ABCC4: variants seen among roughly 807,000 people sequenced by gnomAD.
ABCC4 encodes ATP binding cassette subfamily C member 4 (PEL blood group), also known as ATP-binding cassette sub-family C member 4.
Under a neutral mutation model 168.5 loss-of-function variants are expected in ABCC4, and 102 were observed. The observed-to-expected ratio is 0.61, with a 90% CI of 0.52 to 0.71. The LOEUF is 0.71. Among genes scored for constraint, ABCC4 ranks in the 30% least tolerant of loss-of-function variants. The pLI, the probability that ABCC4 is intolerant of heterozygous loss-of-function variation, is 0.00. For missense variants in ABCC4, 1,402 were observed against 1,605.8 expected (o/e 0.87, Z 2.17); for synonymous variants, 617 against 590.7 (o/e 1.04, Z -0.65).
Position 95,273,665 on chromosome 13 carries a change from C to A in ABCC4, c.75-25912G>T, listed in dbSNP as rs563665208. ...CTACTGATATGGCTCTGTGTCCCCACCCAAATCTCATCTTGTAGCTCCCAC... is the reference window on the plus strand; with the variant it reads ...CTACTGATATGGCTCTGTGTCCCCAACCAAATCTCATCTTGTAGCTCCCAC... On this transcript the variant is annotated intron_variant, in intron 1 of 30. Coordinates refer to ENST00000645237, the MANE Select transcript of ABCC4 (RefSeq NM_005845.5). Among the ~76,000 whole-genome samples the A allele has an allele frequency of 5.9e-5, 9 of 152,172 alleles. No homozygotes were observed. In the South Asian group the frequency reaches 1.9e-3, roughly 32 times the overall value.
intron 11 of ABCC4, among the ~76,000 whole-genome samples, chr13:95,185,453 T>A (rs1302607903): frequency 2.0e-5 from 3 of 152,222 alleles, no homozygotes; most frequent in African/African-American, 4.8e-5. Flanking sequence ...GATTTCTCTA[T>A]CCAAATCGCC....
At chr13:95,273,060 G>T (rs17268282) in intron 1 of ABCC4, among the ~76,000 whole-genome samples, 8,270 of 152,144 alleles carry the variant, frequency 0.054, 271 homozygotes, top group Non-Finnish European at 0.067. Flanking sequence ...TGGAAAACAG[G>T]TTGGGCTCAT....
intron 19 of ABCC4, among the ~76,000 whole-genome samples, chr13:95,138,367 G>C (rs563205661): frequency 6.6e-6 from 1 of 152,184 alleles, no homozygotes; most frequent in Admixed American, 6.5e-5. Flanking sequence ...GAGGTGCTTG[G>C]AACAGGAACA....
At chr13:95,024,689 T>A (rs1030253060) in intron 30 of ABCC4, among the ~76,000 whole-genome samples, 7 of 152,184 alleles carry the variant, frequency 4.6e-5, no homozygotes, top group African/African-American at 1.7e-4. Flanking sequence ...CTCAAGTTCA[T>A]CATTTTTAAA....
intron 19 of ABCC4, among the ~76,000 whole-genome samples, chr13:95,145,512 T>C (rs977282991): frequency 2.0e-5 from 3 of 148,638 alleles, no homozygotes; most frequent in Admixed American, 1.3e-4. Flanking sequence ...TAGTCCCAGA[T>C]ACTTGGAAAG....
intron 11 of ABCC4, among the ~76,000 whole-genome samples, chr13:95,182,376 A>G (rs1443249633): frequency 6.6e-6 from 1 of 152,230 alleles, no homozygotes; most frequent in Non-Finnish European, 1.5e-5. Flanking sequence ...AAAGTGCTCA[A>G]GGATTAAAAG....
intron 1 of ABCC4, among the ~76,000 whole-genome samples, chr13:95,294,977 AAAAAT>A (rs948731378): frequency 1.7e-4 from 26 of 152,120 alleles, no homozygotes; most frequent in African/African-American, 6.0e-4. Flanking sequence ...ATTAAAAACA[AAAAAT>A]AAAATAAAAA....
chr13:95,262,772 AC>A (rs2040565975), intron 1 of ABCC4, among the ~76,000 whole-genome samples: 1 of 151,846 alleles, frequency 6.6e-6, no homozygotes, highest in Non-Finnish European at 1.5e-5. Context: ...AGCTGGGATT[AC>A]AGGCACACGC....
intron 26 of ABCC4, among the ~76,000 whole-genome samples, chr13:95,057,249 T>C (rs546945172): frequency 6.6e-6 from 1 of 151,892 alleles, no homozygotes; most frequent in Admixed American, 6.5e-5. Flanking sequence ...ATTCAGTATT[T>C]TTTTTTTTTG....
At chr13:95,072,230 G>C (rs1005157316) in intron 24 of ABCC4, among the ~76,000 whole-genome samples, 55 of 152,322 alleles carry the variant, frequency 3.6e-4, no homozygotes, top group African/African-American at 1.2e-3. Flanking sequence ...GGAGGCCGGG[G>C]CAGGTGGATC....
intron 21 of ABCC4, among the ~76,000 whole-genome samples, chr13:95,075,869 A>G (rs2033882577): frequency 6.6e-6 from 1 of 152,096 alleles, no homozygotes. Flanking sequence ...TTCTTCCCTG[A>G]CATCTCTTTG....
intron 6 of ABCC4, among the ~76,000 whole-genome samples, chr13:95,208,348 AAAAG>A (rs1451876286): frequency 1.6e-5 from 2 of 125,092 alleles, no homozygotes; most frequent in Non-Finnish European, 3.5e-5. Context: ...AAAAAAAAAA[AAAAG>A]CTTCAGAGGA....
intron 26 of ABCC4, among the ~76,000 whole-genome samples, chr13:95,059,271 T>A (rs1008791912): frequency 6.6e-6 from 1 of 152,200 alleles, no homozygotes; most frequent in Non-Finnish European, 1.5e-5. Flanking sequence ...GTGCCTCAGT[T>A]TGAAAATGTG....
chr13:95,135,384 C>A (rs918054303), intron 19 of ABCC4, among the ~76,000 whole-genome samples: 2 of 150,580 alleles, frequency 1.3e-5, no homozygotes, highest in Non-Finnish European at 2.9e-5. Context: ...CTACATTTCA[C>A]GATCAGGTAA....
intron 20 of ABCC4, among the ~76,000 whole-genome samples, chr13:95,103,243 C>A (rs987986937): frequency 5.9e-5 from 9 of 151,944 alleles, no homozygotes; most frequent in African/African-American, 1.9e-4. Context: ...CCAGCCTGGG[C>A]GACAGAGCGA....
intron 20 of ABCC4, among the ~76,000 whole-genome samples, chr13:95,095,131 A>G (rs2034549532): frequency 6.6e-6 from 1 of 152,216 alleles, no homozygotes; most frequent in African/African-American, 2.4e-5. Context: ...TGATCCAGCA[A>G]TCCCACTACT....
intron 20 of ABCC4, among the ~76,000 whole-genome samples, chr13:95,108,948 G>A (rs2035105354): frequency 6.6e-6 from 1 of 152,040 alleles, no homozygotes; most frequent in South Asian, 2.1e-4. Context: ...CCTCCTCCTT[G>A]ACTATGCTGG....
rs769656467 is a variant in ABCC4 at position 95,075,493 on chromosome 13, C to G, written c.2745G>C (p.Arg915=). 3.1e-6 allele frequency: 5 copies of G among 1,614,056 alleles called. No homozygotes were observed. In the East Asian group the frequency reaches 1.1e-4, roughly 36 times the overall value. The change falls in exon 22 of 31, where the codon CGG becomes CGC. Residue 915 remains arginine (R), a synonymous_variant. Transcript: ENST00000645237. ...GACACCTCTCTTCTGCTTTGTATGC[C>G]CGGATGGTCCAGAGCCCCTGGAGAG... is the stretch of plus-strand genomic sequence containing the variant. The part of the protein sequence containing the change: ...SSSLQGLWTI[R]AYKAEERCQE...
rs746655525 is a variant in ABCC4, at chr13:95,034,681, T to C, written c.3794A>G (p.Lys1265Arg). 7 of 1,614,216 alleles carry C rather than the reference T, an allele frequency of 4.3e-6. No individual in the cohort carries two copies. The highest frequency in any genetic ancestry group is 1.6e-4 in the Middle Eastern group (1 of 6,062). Residue 1265 changes from lysine (K) to arginine (R), a missense_variant, in exon 30 of 31, where the codon AAA (lysine) becomes AGA (arginine). By Grantham distance (26) the Lys-to-Arg change is conservative. This residue lies in a region of ABCC4 where 1,007 missense variants were observed against 1,127.3 expected (regional missense o/e 0.89). Coordinates refer to ENST00000645237, the MANE Select transcript of ABCC4 (RefSeq NM_005845.5). ...CACCATCTTGTAAAATAGGCTCTCT[T>C]TATTTTGCAGCAAAACATACGGCTC... ...YDEPYVLLQN[K>R]ESLFYKMVQQ... is the part of the protein sequence containing the mutation.
Sources: allele counts gnomAD v4.1 joint callset (sites outside exome capture counted in the v4.1 genomes callset), GRCh38; gene constraint gnomAD v4.1.1; regional missense constraint gnomAD v4.1.1; transcripts MANE v1.5; gene names NCBI Gene and HGNC (gene_info 2026-07-23, HGNC 2026-07-21).